The following CHN2 variants were observed in gnomAD, a reference collection of about 807,000 sequenced individuals.
CHN2 encodes beta-chimaerin.
A neutral mutation model predicts 56.3 loss-of-function variants in CHN2; 35 were observed. That is an observed-to-expected ratio of 0.62 (90% CI 0.47 to 0.82). The LOEUF (loss-of-function observed/expected upper bound fraction) is 0.82. Among genes scored for constraint, CHN2 ranks in the 40% least tolerant of loss-of-function variants. The probability of loss-of-function intolerance (pLI) is 0.00; values close to 1 mark genes in which losing one functional copy is unlikely to be tolerated. For synonymous variants in CHN2, 210 were observed against 212.8 expected (o/e 0.99, Z 0.12); for missense variants, 491 against 580.5 (o/e 0.85, Z 1.58).
At chr7:29,388,865 G>A (rs1158447605) in intron 3 of CHN2, among the ~76,000 whole-genome samples, 1 of 152,176 alleles carries the variant, frequency 6.6e-6, no homozygotes, top group Non-Finnish European at 1.5e-5. Flanking sequence ...GTGGATAGTA[G>A]GGACAGGACT....
Position 29,278,765 on chromosome 7 carries a change from C to T in CHN2, c.50-75860C>T, listed in dbSNP as rs554825063. Among the ~76,000 whole-genome samples, 74 of 152,346 alleles carry T rather than the reference C, an allele frequency of 4.9e-4. 1 individual carries two copies. The highest frequency in any genetic ancestry group is 8.5e-4 in the Non-Finnish European group (58 of 68,030). ...TGGAAATCCGGCCATGAACCGCCAC[C>T]TGTTTGGCGGGGGTCTTGTCTAGCT... On this transcript the variant is annotated intron_variant, in intron 1 of 12. Transcript: ENST00000222792.
chr7:29,315,943 A>G (rs924981003), intron 1 of CHN2, among the ~76,000 whole-genome samples: 14 of 152,340 alleles, frequency 9.2e-5, no homozygotes, highest in African/African-American at 3.4e-4. Flanking sequence ...ATTAGAATAC[A>G]CAAAAGGCTG....
intron 2 of CHN2, among the ~76,000 whole-genome samples, chr7:29,157,573 A>G (rs1794578764): frequency 6.6e-6 from 1 of 152,214 alleles, no homozygotes; most frequent in South Asian, 2.1e-4. Flanking sequence ...GTATGAAAAT[A>G]TCACCCTATG....
At chr7:29,160,435 A>G (rs901489975) in intron 2 of CHN2, among the ~76,000 whole-genome samples, 1 of 152,092 alleles carries the variant, frequency 6.6e-6, no homozygotes, top group Non-Finnish European at 1.5e-5. Flanking sequence ...GCAATAATGT[A>G]CCCAGGAGTT....
chr7:29,291,286 A>G (rs2128869346), intron 1 of CHN2, among the ~76,000 whole-genome samples: 1 of 152,246 alleles, frequency 6.6e-6, no homozygotes, highest in African/African-American at 2.4e-5. Flanking sequence ...ATTGGGAGCC[A>G]GCCGTTCCCT....
intron 1 of CHN2, among the ~76,000 whole-genome samples, chr7:29,307,747 A>C (rs1794280819): frequency 6.6e-6 from 1 of 152,044 alleles, no homozygotes; most frequent in East Asian, 1.9e-4. Flanking sequence ...CCAGCTGTTG[A>C]ATTTGCCTCC....
chr7:29,203,553 G>A (rs1784314015), intron 1 of CHN2, among the ~76,000 whole-genome samples: 1 of 148,532 alleles, frequency 6.7e-6, no homozygotes, highest in Non-Finnish European at 1.5e-5. Context: ...TTTTAAAAAT[G>A]TGTTTAAGGT....
intron 6 of CHN2, among the ~76,000 whole-genome samples, chr7:29,430,887 C>T (rs890622175): frequency 2.6e-5 from 4 of 152,060 alleles, no homozygotes; most frequent in African/African-American, 9.7e-5. Context: ...TCACTGACCC[C>T]TGCTCTGTCC....
At chr7:29,221,958 T>C (rs1351743574) in intron 1 of CHN2, among the ~76,000 whole-genome samples, 1 of 152,204 alleles carries the variant, frequency 6.6e-6, no homozygotes, top group Non-Finnish European at 1.5e-5. Context: ...ATGATTTATA[T>C]TCTTTTGGAC....
At chr7:29,240,365 T>C (rs1649575394) in intron 1 of CHN2, among the ~76,000 whole-genome samples, 1 of 152,214 alleles carries the variant, frequency 6.6e-6, no homozygotes, top group African/African-American at 2.4e-5. Flanking sequence ...ATTGACTCCA[T>C]CTCTTAGGTG....
chr7:29,336,759 CAAAAAAAAAAAAA>C (rs5883205), intron 1 of CHN2, among the ~76,000 whole-genome samples: 5 of 68,576 alleles, frequency 7.3e-5, no homozygotes, highest in East Asian at 1.1e-3. Context: ...GATTCTGTCT[CAAAAAAAAAAAAA>C]AAAAAAAAAA....
In CHN2 at chr7:29,293,857, A is replaced by ATTTTT. The variant is rs70980522; in HGVS notation, c.50-60745_50-60741dup. ...GCATATAAGCTCCACGAGGCTGGGAATTTTTTTTTTTTTTTTTTTTTTTTT... is the reference window on the plus strand; with the variant it reads ...GCATATAAGCTCCACGAGGCTGGGAATTTTTTTTTTTTTTTTTTTTTTTTTTTTTT... On this transcript the variant is annotated intron_variant, in intron 1 of 12. Coordinates refer to ENST00000222792, the MANE Select transcript of CHN2 (RefSeq NM_004067.4). 5.2e-4 allele frequency among the ~76,000 whole-genome samples: 41 copies of ATTTTT among 78,524 alleles called. 1 individual carries two copies. The highest frequency in any genetic ancestry group is 9.0e-4 in the African/African-American group (18 of 19,906). 51.5% of individuals were successfully genotyped at this position (78,524 alleles called of 152,430 possible).
intron 4 of CHN2, among the ~76,000 whole-genome samples, chr7:29,394,099 C>T (rs1032504892): frequency 6.6e-6 from 1 of 152,228 alleles, no homozygotes; most frequent in East Asian, 1.9e-4. Flanking sequence ...TCCTGACTTT[C>T]GTGTACCTCG....
At chr7:29,295,314 A>AACACACACACACACACACAC (rs58693628) in intron 1 of CHN2, among the ~76,000 whole-genome samples, 57 of 145,072 alleles carry the variant, frequency 3.9e-4, no homozygotes, top group South Asian at 1.4e-3. Context: ...TTTAGCTGTG[A>AACACACACACACACACACAC]ACACACACAC....
intron 1 of CHN2, among the ~76,000 whole-genome samples, chr7:29,256,395 A>G (rs538475013): frequency 6.6e-6 from 1 of 152,384 alleles, no homozygotes; most frequent in East Asian, 1.9e-4. Flanking sequence ...TCTTGATAAG[A>G]AAAGGTTTGT....
intron 6 of CHN2, among the ~76,000 whole-genome samples, chr7:29,450,743 A>C (rs1336000394): frequency 6.6e-6 from 1 of 152,104 alleles, no homozygotes; most frequent in Non-Finnish European, 1.5e-5. Flanking sequence ...AGATGTATTC[A>C]TCAGATGAAT....
intron 10 of CHN2, 68 bp from the exon 11 acceptor site, chr7:29,507,160 T>TTC (rs1790663151): frequency 1.4e-6 from 2 of 1,439,718 alleles, no homozygotes; most frequent in Non-Finnish European, 1.9e-6. Flanking sequence ...TTTTTTTTTT[T>TTC]TCCTTTCTGT....
At chr7:29,164,211 C>G (rs1206797254) in intron 2 of CHN2, among the ~76,000 whole-genome samples, 1 of 152,118 alleles carries the variant, frequency 6.6e-6, no homozygotes. Flanking sequence ...GTCAACTCAC[C>G]GTGATTTAAA....
intron 10 of CHN2, among the ~76,000 whole-genome samples, chr7:29,505,312 A>G (rs2128587545): frequency 6.6e-6 from 1 of 152,340 alleles, no homozygotes; most frequent in South Asian, 2.1e-4. Context: ...TTGAAGACTC[A>G]TTCAGAAAGC....
Sources: gnomAD v4.1 joint callset for allele counts (sites outside exome capture counted in the v4.1 genomes callset) on GRCh38, gnomAD v4.1.1 for gene constraint, MANE v1.5 for transcripts, NCBI Gene and HGNC (gene_info 2026-07-23, HGNC 2026-07-21) for gene names.